SGCZ: variants seen among roughly 807,000 people sequenced by gnomAD.
SGCZ encodes the protein zeta-sarcoglycan.
In SGCZ, 40 loss-of-function variants were observed where a neutral mutation model predicts 41.3. The observed-to-expected ratio is 0.97, with a 90% CI of 0.75 to 1.26. The LOEUF (loss-of-function observed/expected upper bound fraction) is 1.26, where lower values mean the gene tolerates loss of function less well. Ranked by LOEUF, SGCZ falls within the 50% of genes most tolerant of loss-of-function variation. SGCZ has a pLI of 0.00. For missense variants in SGCZ, 552 were observed against 369.8 expected, an observed-to-expected ratio of 1.49 and a Z score of -4.04; for synonymous variants, 206 against 137.5, an observed-to-expected ratio of 1.50 and a Z score of -3.49.
intron 4 of SGCZ, among the ~76,000 whole-genome samples, chr8:14,168,783 G>A (rs1017360494): frequency 6.6e-6 from 1 of 152,106 alleles, no homozygotes; most frequent in African/African-American, 2.4e-5. Context: ...CAGAAAATCT[G>A]TTATATGAGA....
chr8:14,370,263 T>G (rs899214981), intron 2 of SGCZ, among the ~76,000 whole-genome samples: 2 of 151,998 alleles, frequency 1.3e-5, no homozygotes. Context: ...AAGACAACTT[T>G]CATCACATGG....
At chr8:14,513,601 G>C (rs1802528571) in intron 2 of SGCZ, among the ~76,000 whole-genome samples, 3 of 121,160 alleles carry the variant, frequency 2.5e-5, no homozygotes, top group Admixed American at 8.3e-5. Context: ...CTAAGAAAGA[G>C]ATAATCCAAT....
intron 1 of SGCZ, among the ~76,000 whole-genome samples, chr8:14,653,245 A>C (rs929676794): frequency 4.6e-5 from 7 of 152,034 alleles, no homozygotes; most frequent in Non-Finnish European, 1.0e-4. Flanking sequence ...ACCTGTGTCA[A>C]TTCTGGTTTG....
intron 1 of SGCZ, among the ~76,000 whole-genome samples, chr8:14,971,645 C>CTTTTTTTTTTTTT (rs11456903): frequency 8.7e-6 from 1 of 114,682 alleles, no homozygotes; most frequent in African/African-American, 3.4e-5. Context: ...ATTTTATATA[C>CTTTTTTTTTTTTT]TTTTTTTTTT....
intron 1 of SGCZ, among the ~76,000 whole-genome samples, chr8:14,584,884 A>G (rs1385176610): frequency 1.3e-5 from 2 of 152,122 alleles, no homozygotes; most frequent in Non-Finnish European, 2.9e-5. Flanking sequence ...AAGAAACAGA[A>G]TATGTAAGGT....
intron 1 of SGCZ, among the ~76,000 whole-genome samples, chr8:14,740,205 T>C (rs1159109598): frequency 1.3e-5 from 2 of 152,020 alleles, no homozygotes; most frequent in Non-Finnish European, 1.5e-5. Flanking sequence ...AAGATAAAAG[T>C]TTATTCCAAA....
intron 1 of SGCZ, among the ~76,000 whole-genome samples, chr8:14,687,171 A>AAAT (rs1554480726): frequency 7.8e-4 from 110 of 141,306 alleles, no homozygotes; most frequent in East Asian, 2.9e-3. Context: ...AGAAAAAAAA[A>AAAT]ATATATATAT....
At chr8:14,744,599 A>AGAGGTGT (rs1799290848) in intron 1 of SGCZ, among the ~76,000 whole-genome samples, 1 of 152,152 alleles carries the variant, frequency 6.6e-6, no homozygotes, top group African/African-American at 2.4e-5. Context: ...GGATCCACGT[A>AGAGGTGT]GAGGTGTAGT....
At chr8:15,179,424 C>T (rs933588185) in intron 1 of SGCZ, among the ~76,000 whole-genome samples, 4 of 152,136 alleles carry the variant, frequency 2.6e-5, no homozygotes, top group African/African-American at 9.7e-5. Flanking sequence ...TGACATAAAA[C>T]TACGTAAGAT....
intron 1 of SGCZ, among the ~76,000 whole-genome samples, chr8:14,683,988 T>C (rs986381844): frequency 2.0e-5 from 3 of 152,188 alleles, no homozygotes; most frequent in African/African-American, 4.8e-5. Flanking sequence ...TGGGATGCCA[T>C]AGGTTTATCA....
At chr8:15,052,000 G>T (rs1007671070) in intron 1 of SGCZ, among the ~76,000 whole-genome samples, 2 of 152,104 alleles carry the variant, frequency 1.3e-5, no homozygotes, top group African/African-American at 4.8e-5. Context: ...TGAGAATGTT[G>T]AAGTCACAAC....
At chr8:14,590,076 A>G (rs907565796) in intron 1 of SGCZ, among the ~76,000 whole-genome samples, 2 of 151,624 alleles carry the variant, frequency 1.3e-5, no homozygotes, top group African/African-American at 4.8e-5. Context: ...GTAAGAATTG[A>G]CTTCCCAAAT....
intron 1 of SGCZ, among the ~76,000 whole-genome samples, chr8:14,635,069 A>T (rs1381470709): frequency 3.8e-5 from 5 of 131,100 alleles, no homozygotes; most frequent in Admixed American, 2.3e-4. Context: ...ATTATAATTT[A>T]AAAACATATA....
At chr8:14,401,455 A>G (rs1178001706) in intron 2 of SGCZ, among the ~76,000 whole-genome samples, 3 of 108,792 alleles carry the variant, frequency 2.8e-5, no homozygotes, top group Admixed American at 1.3e-4. Context: ...ACCCCACAAC[A>G]GTCCTCAGAG....
chr8:14,304,248 G>A (rs1801282069), intron 3 of SGCZ, among the ~76,000 whole-genome samples: 3 of 151,586 alleles, frequency 2.0e-5, no homozygotes, highest in Non-Finnish European at 4.4e-5. Flanking sequence ...TTCGAGACCA[G>A]CCTAGGCAAC....
chr8:14,162,634 T>G (rs1017096466), intron 5 of SGCZ: 1 of 152,120 alleles, frequency 6.6e-6, no homozygotes, highest in Non-Finnish European at 1.5e-5. Context: ...TTCCTAGCCT[T>G]CCCAAGAAGT....
chr8:15,212,739 T>C (rs1585679776), intron 1 of SGCZ, among the ~76,000 whole-genome samples: 1 of 152,032 alleles, frequency 6.6e-6, no homozygotes, highest in Admixed American at 6.6e-5. Context: ...GACTGGTAAA[T>C]CTACACAGCC....
chr8:14,891,924 A>G (rs980067891), intron 1 of SGCZ, among the ~76,000 whole-genome samples: 1 of 152,204 alleles, frequency 6.6e-6, no homozygotes, highest in Admixed American at 6.5e-5. Context: ...ATTTTTTAAA[A>G]TTATGGTATG....
intron 1 of SGCZ, among the ~76,000 whole-genome samples, chr8:14,998,610 G>C (rs1039878590): frequency 1.3e-5 from 2 of 152,124 alleles, no homozygotes; most frequent in Non-Finnish European, 2.9e-5. Context: ...GCTTCAATTT[G>C]CCATTACAAG....
Sources: allele counts gnomAD v4.1 joint callset (sites outside exome capture counted in the v4.1 genomes callset), GRCh38; gene constraint gnomAD v4.1.1; transcripts MANE v1.5; gene names NCBI Gene and HGNC (gene_info 2026-07-23, HGNC 2026-07-21).